CTNNA2: variants seen among roughly 807,000 people sequenced by gnomAD.
CTNNA2 encodes the protein catenin alpha 2.
A neutral mutation model predicts 101.0 loss-of-function variants in CTNNA2; 42 were observed. That is an observed-to-expected ratio of 0.42 (90% confidence interval 0.32 to 0.54). CTNNA2 has a LOEUF of 0.54. CTNNA2 is among the 20% of genes least tolerant of loss of function. The pLI is 0.14. For missense variants in CTNNA2, 871 were observed against 1,223.1 expected (o/e 0.71, Z 4.29); for synonymous variants, 450 against 456.4 (o/e 0.99, Z 0.18).
intron 7 of CTNNA2, among the ~76,000 whole-genome samples, chr2:80,107,236 A>G (rs7596416): frequency 0.24 from 36,885 of 151,958 alleles, 5,083 homozygotes; most frequent in East Asian, 0.52. Flanking sequence ...TTTTTTACCA[A>G]TTGAATGTTG....
intron 3 of CTNNA2, among the ~76,000 whole-genome samples, chr2:79,346,522 A>G (rs1014044478): frequency 3.9e-5 from 6 of 152,144 alleles, no homozygotes; most frequent in African/African-American, 1.2e-4. Flanking sequence ...ACTAGACACT[A>G]TGGAATAGCA....
At chr2:80,387,181 C>T (rs1455047032) in intron 7 of CTNNA2, among the ~76,000 whole-genome samples, 5 of 151,858 alleles carry the variant, frequency 3.3e-5, no homozygotes, top group South Asian at 2.1e-4. Context: ...CCCAGCTACT[C>T]GGGAGGCTGA....
intron 8 of CTNNA2, 115 bp downstream of exon 8, chr2:80,393,406 T>C (rs974042614): frequency 2.2e-5 from 16 of 733,584 alleles, no homozygotes; most frequent in African/African-American, 3.7e-5. Flanking sequence ...CTTTATAACA[T>C]TTACATATAC....
intron 4 of CTNNA2, among the ~76,000 whole-genome samples, chr2:79,384,278 G>A (rs1043430922): frequency 7.2e-5 from 11 of 152,096 alleles, no homozygotes; most frequent in Middle Eastern, 3.4e-3. Flanking sequence ...ATCTTCTAGC[G>A]CTTTCACATT....
chr2:80,639,535 G>GTGTGTGTGTGTGTCTGTGTC (rs1224617726), intron 18 of CTNNA2, among the ~76,000 whole-genome samples: 1 of 151,802 alleles, frequency 6.6e-6, no homozygotes, highest in African/African-American at 2.4e-5. Flanking sequence ...GTGTGTGTGT[G>GTGTGTGTGTGTGTCTGTGTC]TGTGTCTGTG....
At chr2:80,519,699 T>C (rs1689379175) in intron 9 of CTNNA2, among the ~76,000 whole-genome samples, 2 of 152,224 alleles carry the variant, frequency 1.3e-5, no homozygotes, top group South Asian at 4.1e-4. Flanking sequence ...TGTTTGGTAA[T>C]ATTTCCCTTA....
intron 7 of CTNNA2, among the ~76,000 whole-genome samples, chr2:80,012,306 T>C (rs1032863911): frequency 6.6e-6 from 1 of 152,196 alleles, no homozygotes; most frequent in Non-Finnish European, 1.5e-5. Context: ...TGTTGTCTTA[T>C]TGGGAATGCA....
At chr2:79,279,291 G>A (rs1255749437) in intron 2 of CTNNA2, among the ~76,000 whole-genome samples, 3 of 152,050 alleles carry the variant, frequency 2.0e-5, no homozygotes, top group African/African-American at 7.2e-5. Flanking sequence ...AGTTCAGAAG[G>A]CAGGAGTGGA....
chr2:80,346,891 G>T (rs1057247614), intron 7 of CTNNA2, among the ~76,000 whole-genome samples: 1 of 152,212 alleles, frequency 6.6e-6, no homozygotes, highest in Non-Finnish European at 1.5e-5. Context: ...ATTTGTTGCT[G>T]AGAAGTTCTA....
At chr2:79,578,613 C>T (rs1675943616) in intron 1 of CTNNA2, among the ~76,000 whole-genome samples, 1 of 152,048 alleles carries the variant, frequency 6.6e-6, no homozygotes, top group African/African-American at 2.4e-5. Flanking sequence ...CCAGTTGTCT[C>T]AGTAGCATTT....
At position 79,432,271 on chromosome 2, in the gene CTNNA2, T is replaced by C. The variant is rs187088563; in HGVS notation, c.-135+58258T>C. Among the ~76,000 whole-genome samples the C allele has an allele frequency of 2.7e-4, 41 of 152,300 alleles. 2 individuals carry two copies. The highest frequency in any genetic ancestry group is 9.6e-4 in the African/African-American group (40 of 41,572). On this transcript the variant is annotated intron_variant, in intron 4 of 21. Coordinates refer to the CTNNA2 transcript ENST00000466387. ...TACAGTACAGTATGTATGGTTATCA[T>C]GATCATTTAATGGCTGAGAACATGG...
chr2:79,783,820 T>A (rs1236466783), intron 3 of CTNNA2, among the ~76,000 whole-genome samples: 1 of 152,190 alleles, frequency 6.6e-6, no homozygotes, highest in Non-Finnish European at 1.5e-5. Context: ...GTTTCTTAAC[T>A]TTCACAGATC....
chr2:80,623,541 G>T (rs1463514196), intron 18 of CTNNA2, among the ~76,000 whole-genome samples: 1 of 151,924 alleles, frequency 6.6e-6, no homozygotes. Flanking sequence ...AAGATGTGAG[G>T]TTGGTGTTGG....
At chr2:79,865,409 G>C (rs80321918) in intron 4 of CTNNA2, among the ~76,000 whole-genome samples, 3,024 of 152,244 alleles carry the variant, frequency 0.02, 105 homozygotes, top group African/African-American at 0.068. Flanking sequence ...AAAGTAGACT[G>C]TAACAAGAGA....
rs1678451986 is a variant in CTNNA2, at chr2:79,826,543, A to T, written c.299-31470A>T. On this transcript the variant is annotated intron_variant, in intron 3 of 18. Transcript: ENST00000402739. ...ATGGCCTCCTGGAGCAACTGCAGCC[A>T]CTATCATCTTCATATCTGCATGTCT... 4.6e-5 allele frequency among the ~76,000 whole-genome samples: 7 copies of T among 152,354 alleles called. No homozygotes were observed. In the South Asian group the frequency reaches 1.4e-3, roughly 32 times the overall value.
At chr2:79,198,681 A>T (rs1380402394) in intron 2 of CTNNA2, among the ~76,000 whole-genome samples, 1 of 145,318 alleles carries the variant, frequency 6.9e-6, no homozygotes, top group Non-Finnish European at 1.5e-5. Context: ...GATGCTACTC[A>T]TTGATCAATT....
At chr2:80,268,148 T>C (rs1311230518) in intron 7 of CTNNA2, among the ~76,000 whole-genome samples, 8 of 152,228 alleles carry the variant, frequency 5.3e-5, no homozygotes, top group African/African-American at 1.9e-4. Flanking sequence ...CTAAAGGTTG[T>C]GCTCATGCCA....
chr2:79,778,506 A>T (rs991607497), intron 3 of CTNNA2, among the ~76,000 whole-genome samples: 5 of 152,196 alleles, frequency 3.3e-5, no homozygotes, highest in African/African-American at 1.2e-4. Flanking sequence ...TGGGAAAAAA[A>T]ACCTACTTGG....
At chr2:80,408,736 G>A (rs926367552) in intron 8 of CTNNA2, among the ~76,000 whole-genome samples, 6 of 152,188 alleles carry the variant, frequency 3.9e-5, no homozygotes, top group African/African-American at 1.2e-4. Context: ...GACTAGGGGT[G>A]GGAGTGAAGA....
Sources: allele counts gnomAD v4.1 joint callset (sites outside exome capture counted in the v4.1 genomes callset), GRCh38; gene constraint gnomAD v4.1.1; transcripts MANE v1.5; gene names NCBI Gene and HGNC (gene_info 2026-07-23, HGNC 2026-07-21).